GSE1: variants seen among roughly 807,000 people sequenced by gnomAD.
GSE1 encodes the protein genetic suppressor element 1.
GSE1 carries 32 observed loss-of-function variants against 112.6 expected under a neutral mutation model. That is an observed-to-expected ratio of 0.28 (90% confidence interval 0.21 to 0.38). GSE1 has a LOEUF of 0.38. GSE1 is among the 10% of genes least tolerant of loss of function. The pLI is 1.00. For missense variants in GSE1, 2,348 were observed against 1,699.2 expected (o/e 1.38, Z -6.71); for synonymous variants, 1,115 against 735.6 (o/e 1.52, Z -8.35).
At chr16:85,267,193 C>T (rs1014094459) in intron 1 of GSE1, among the ~76,000 whole-genome samples, 14 of 152,210 alleles carry the variant, frequency 9.2e-5, no homozygotes, top group South Asian at 2.1e-4. Context: ...CTGAGACTCC[C>T]GCCCCTCGCC....
intron 1 of GSE1, among the ~76,000 whole-genome samples, chr16:85,201,598 G>A (rs992210097): frequency 6.6e-6 from 1 of 151,720 alleles, no homozygotes; most frequent in South Asian, 2.1e-4. Context: ...GTTGCAGTGA[G>A]CTGAGATCAG....
upstream of GSE1, chr16:85,554,892 C>T: frequency 3.0e-6 from 3 of 985,370 alleles, no homozygotes; most frequent in Non-Finnish European, 3.6e-6. Flanking sequence ...CAAACGGCCC[C>T]CGCTTCGGAG....
intron 1 of GSE1, among the ~76,000 whole-genome samples, chr16:85,245,973 G>C (rs2075274133): frequency 6.6e-6 from 1 of 150,598 alleles, no homozygotes; most frequent in Admixed American, 6.6e-5. Flanking sequence ...TGTGTGGGGG[G>C]CTGTCTGGGT....
intron 2 of GSE1, among the ~76,000 whole-genome samples, chr16:85,518,675 A>G (rs1340387376): frequency 2.6e-5 from 4 of 152,074 alleles, no homozygotes; most frequent in Non-Finnish European, 4.4e-5. Context: ...CAGTCTATAA[A>G]GCCAGAATGT....
chr16:85,624,002 C>G (rs1414791219), intron 1 of GSE1, among the ~76,000 whole-genome samples: 3 of 152,206 alleles, frequency 2.0e-5, no homozygotes, highest in Admixed American at 6.5e-5. Flanking sequence ...TCCTCTCTCC[C>G]TCCCACTTAC....
At chr16:85,202,351 G>T (rs1240012973) in intron 1 of GSE1, among the ~76,000 whole-genome samples, 3 of 152,264 alleles carry the variant, frequency 2.0e-5, no homozygotes, top group African/African-American at 7.2e-5. Context: ...ACGGCCTCCA[G>T]GGTGGGCTTG....
intron 1 of GSE1, among the ~76,000 whole-genome samples, chr16:85,603,121 C>T (rs973601546): frequency 7.2e-5 from 11 of 152,232 alleles, no homozygotes; most frequent in Non-Finnish European, 1.6e-4. Flanking sequence ...TCAGAGCTCA[C>T]GAGGCAGCAA....
chr16:85,633,810 C>G, intron 1 of GSE1, 104 bp from the exon 2 acceptor site: 1 of 843,748 alleles, frequency 1.2e-6, no homozygotes, highest in Non-Finnish European at 1.9e-6. Context: ...GGGGCTGCCC[C>G]TGCTCCCTGC....
intron 2 of GSE1, among the ~76,000 whole-genome samples, chr16:85,493,777 T>C (rs28867166): frequency 0.39 from 51,000 of 130,728 alleles, 9,542 homozygotes; most frequent in Middle Eastern, 0.47. Context: ...GCAACGAGAG[T>C]GAGACTCCGT....
intron 2 of GSE1, among the ~76,000 whole-genome samples, 191 bp from the exon 3 acceptor site, chr16:85,648,361 C>T (rs1241040120): frequency 6.6e-6 from 1 of 152,100 alleles, no homozygotes; most frequent in African/African-American, 2.4e-5. Context: ...GACTGAGCTG[C>T]TGACCCGATC....
At chr16:85,242,940 T>G (rs900013016) in intron 1 of GSE1, among the ~76,000 whole-genome samples, 1 of 152,112 alleles carries the variant, frequency 6.6e-6, no homozygotes, top group African/African-American at 2.4e-5. Flanking sequence ...GCCTCCTGAG[T>G]AGCTGAGACT....
chr16:85,661,091 G>A (rs2052389526), intron 8 of GSE1, 55 bp from the exon 9 acceptor site: 1 of 1,501,808 alleles, frequency 6.7e-7, no homozygotes, highest in Non-Finnish European at 8.9e-7. Context: ...AGGGAAGCCT[G>A]TGGATGACTG....
intron 2 of GSE1, among the ~76,000 whole-genome samples, chr16:85,432,642 C>A (rs551019562): frequency 3.5e-4 from 53 of 152,334 alleles, no homozygotes; most frequent in Non-Finnish European, 6.2e-4. Context: ...TTCTCAGCAT[C>A]TCTCCTCTTC....
intron 2 of GSE1, among the ~76,000 whole-genome samples, chr16:85,362,772 C>T (rs1441457584): frequency 6.6e-6 from 1 of 151,054 alleles, no homozygotes; most frequent in Non-Finnish European, 1.5e-5. Flanking sequence ...AGTAGTGCCA[C>T]GTGGGCCCTG....
intron 3 of GSE1, among the ~76,000 whole-genome samples, chr16:85,651,658 C>T (rs1452838327): frequency 3.3e-5 from 5 of 152,208 alleles, no homozygotes; most frequent in Non-Finnish European, 5.9e-5. Context: ...GGGTGCTGTC[C>T]TCAGGTCGAG....
At chr16:85,456,157 G>A (rs372998046) in intron 2 of GSE1, among the ~76,000 whole-genome samples, 6 of 152,202 alleles carry the variant, frequency 3.9e-5, no homozygotes, top group African/African-American at 1.4e-4. Context: ...GAGGGTCACC[G>A]AGGGGTAGGA....
chr16:85,199,893 C>G (rs1018550715), intron 1 of GSE1, among the ~76,000 whole-genome samples: 1 of 152,086 alleles, frequency 6.6e-6, no homozygotes, highest in African/African-American at 2.4e-5. Flanking sequence ...GGTCCGAGCA[C>G]CAGTGATGGG....
chr16:85,582,388 G>A (rs986172352), intron 1 of GSE1, among the ~76,000 whole-genome samples: 1 of 152,222 alleles, frequency 6.6e-6, no homozygotes, highest in African/African-American at 2.4e-5. Context: ...AAGCCCCCAC[G>A]TGCTGGGTTC....
At chr16:85,320,763 T>C (rs2046089895) in intron 1 of GSE1, among the ~76,000 whole-genome samples, 2 of 152,174 alleles carry the variant, frequency 1.3e-5, no homozygotes, top group South Asian at 4.1e-4. Flanking sequence ...AAGGATGGGC[T>C]CTCACCACCT....
Sources: gnomAD v4.1 joint callset for allele counts (sites outside exome capture counted in the v4.1 genomes callset) on GRCh38, gnomAD v4.1.1 for gene constraint, MANE v1.5 for transcripts, NCBI Gene and HGNC (gene_info 2026-07-23, HGNC 2026-07-21) for gene names.